The following CD2AP variants were observed in gnomAD, a reference collection of about 807,000 sequenced individuals.
CD2AP encodes the protein CD2 associated protein.
CD2AP carries 46 observed loss-of-function variants against 85.1 expected under a neutral mutation model. The ratio of observed to expected loss-of-function variants is 0.54; its 90% CI spans 0.43 to 0.69. CD2AP has a LOEUF of 0.69. CD2AP is among the 30% of genes least tolerant of loss of function. CD2AP has a pLI of 0.00. For synonymous variants in CD2AP, 255 were observed against 252.9 expected, an observed-to-expected ratio of 1.01 and a Z score of -0.08; for missense variants, 769 against 729.5, an observed-to-expected ratio of 1.05 and a Z score of -0.62.
intron 2 of CD2AP, among the ~76,000 whole-genome samples, chr6:47,506,808 AGGGAGAGGGAGAGGGAGAG>A (rs1224695458): frequency 8.8e-5 from 2 of 22,656 alleles, no homozygotes; most frequent in Non-Finnish European, 1.6e-4. Context: ...GGAGAGGGAG[AGGGAGAGGGAGAGGGAGAG>A]GGAGAGGGAG....
chr6:47,522,219 G>C (rs1766616607), intron 2 of CD2AP, among the ~76,000 whole-genome samples: 1 of 152,124 alleles, frequency 6.6e-6, no homozygotes, highest in South Asian at 2.1e-4. Flanking sequence ...CCAGAGCACA[G>C]AGAGTCATGG....
At chr6:47,562,549 CCAA>C (rs1767889320) in intron 5 of CD2AP, 1 of 305,440 alleles carries the variant, frequency 3.3e-6, no homozygotes, top group East Asian at 5.3e-5. Flanking sequence ...TTGCCTTCCA[CCAA>C]CAAGTCTTGC....
At chr6:47,532,696 C>T (rs1010066220) in intron 2 of CD2AP, among the ~76,000 whole-genome samples, 16 of 152,106 alleles carry the variant, frequency 1.1e-4, no homozygotes, top group African/African-American at 2.2e-4. Context: ...AAACTCCCTC[C>T]GCTTTCTTTT....
intron 13 of CD2AP, among the ~76,000 whole-genome samples, chr6:47,604,272 T>C (rs867297030): frequency 3.3e-5 from 5 of 152,008 alleles, no homozygotes; most frequent in South Asian, 4.1e-4. Flanking sequence ...AGATATGTCA[T>C]GAGTCCAAAA....
At chr6:47,585,227 C>T (rs1273270740) in intron 11 of CD2AP, among the ~76,000 whole-genome samples, 2 of 150,846 alleles carry the variant, frequency 1.3e-5, no homozygotes, top group South Asian at 2.1e-4. Flanking sequence ...GGCGTGAACT[C>T]GGGAGGCGGA....
chr6:47,612,384 G>A, intron 16 of CD2AP, 89 bp from the exon 17 acceptor site: 4 of 886,908 alleles, frequency 4.5e-6, no homozygotes, highest in South Asian at 4.3e-5. Context: ...CCCATGAACT[G>A]GTAGGTTAGG....
rs555901115 is a variant in CD2AP, at chr6:47,594,014, T to C, written c.1109-1847T>C. On this transcript the variant is annotated intron_variant, in intron 11 of 17. Coordinates refer to ENST00000359314, the MANE Select transcript of CD2AP (RefSeq NM_012120.3). ...ATGAAGAGGCTAAACTGCTAAAACA[T>C]TGGGCTAAGCGAAAGAAGCCAGACA... Among the ~76,000 whole-genome samples, 6 of 152,178 alleles carry C rather than the reference T, an allele frequency of 3.9e-5. No homozygotes were observed. The South Asian group carries it at 1.0e-3, about 26-fold the overall frequency.
intron 10 of CD2AP, among the ~76,000 whole-genome samples, chr6:47,581,407 C>T (rs1023069999): frequency 7.8e-4 from 119 of 152,202 alleles, no homozygotes; most frequent in Non-Finnish European, 7.9e-4. Flanking sequence ...TTGATCTTTA[C>T]AAGTGTAATA....
At chr6:47,580,770 A>C (rs1768455910) in intron 9 of CD2AP, 94 bp from the exon 10 acceptor site, 1 of 862,856 alleles carries the variant, frequency 1.2e-6, no homozygotes, top group Non-Finnish European at 1.9e-6. Context: ...GAGGAGAGAC[A>C]TTTGTATAAT....
intron 1 of CD2AP, among the ~76,000 whole-genome samples, chr6:47,479,606 A>T (rs1352929262): frequency 6.6e-6 from 1 of 152,220 alleles, no homozygotes; most frequent in Non-Finnish European, 1.5e-5. Context: ...AATTGTGGGC[A>T]TATTCTTTTA....
chr6:47,551,554 C>A (rs923338146), intron 4 of CD2AP, among the ~76,000 whole-genome samples: 1 of 152,120 alleles, frequency 6.6e-6, no homozygotes, highest in Non-Finnish European at 1.5e-5. Flanking sequence ...GTATTTTTAT[C>A]CCCATTGTAC....
intron 12 of CD2AP, among the ~76,000 whole-genome samples, chr6:47,596,312 C>A (rs560214735): frequency 6.6e-6 from 1 of 151,992 alleles, no homozygotes; most frequent in Non-Finnish European, 1.5e-5. Flanking sequence ...TTAAAGAATG[C>A]GGTACATCAC....
Position 47,517,170 on chromosome 6 carries a change from C to T in CD2AP, c.165+13730C>T, listed in dbSNP as rs577364777. 1.5e-4 allele frequency among the ~76,000 whole-genome samples: 23 copies of T among 152,282 alleles called. No homozygotes were observed. In the South Asian group the frequency reaches 3.5e-3, roughly 23 times the overall value. ...TTGTTCCTGCTCTCACTATGTGATGCGCCTGCTCCCCTTTCTTCTTCTGCC... is the reference window on the plus strand; with the variant it reads ...TTGTTCCTGCTCTCACTATGTGATGTGCCTGCTCCCCTTTCTTCTTCTGCC... On this transcript the variant is annotated intron_variant, in intron 2 of 17. Transcript: ENST00000359314.
rs528077821 is a variant in CD2AP at position 47,573,532 on chromosome 6, A to C, written c.542-532A>C. Reference sequence around the variant, plus strand: ...GAGACGGAGTCTTGCCCTGTCGCCCAGGCTGGAGTGCAGTGGCGTGATCTT... The same window carrying C: ...GAGACGGAGTCTTGCCCTGTCGCCCCGGCTGGAGTGCAGTGGCGTGATCTT... On this transcript the variant is annotated intron_variant, in intron 5 of 17. Coordinates refer to ENST00000359314, the MANE Select transcript of CD2AP (RefSeq NM_012120.3). Among the ~76,000 whole-genome samples the C allele has an allele frequency of 3.4e-5, 4 of 119,210 alleles. No individual in the cohort carries two copies. In the East Asian group the frequency reaches 9.6e-4, roughly 29 times the overall value. The allele number at this position is 119,210 out of a possible 152,430, so 78.2% of individuals were successfully genotyped here. A position where few individuals can be genotyped will look rare whatever the true frequency, so the allele number is the denominator to read the frequency against.
chr6:47,555,265 A>G (rs1309794549), intron 5 of CD2AP, among the ~76,000 whole-genome samples: 1 of 152,192 alleles, frequency 6.6e-6, no homozygotes, highest in Non-Finnish European at 1.5e-5. Flanking sequence ...TTTGCTCACC[A>G]TTTAAGAGTA....
At chr6:47,517,090 A>T (rs943701351) in intron 2 of CD2AP, among the ~76,000 whole-genome samples, 30 of 152,146 alleles carry the variant, frequency 2.0e-4, no homozygotes, top group African/African-American at 7.2e-4. Context: ...ATTCTCACCC[A>T]GTTCACTTGG....
Position 47,618,224 on chromosome 6 carries a change from G to A in CD2AP, c.1878+5688G>A, listed in dbSNP as rs146204960. ...AATCCCAGCTACTAGAGAGGCTGGG[G>A]CATGAGAATCACTTGAACCCAGGAG... On this transcript the variant is annotated intron_variant, in intron 17 of 17. Transcript: ENST00000359314. Among the ~76,000 whole-genome samples, 1,202 of 152,166 alleles carry A rather than the reference G, an allele frequency of 7.9e-3. 14 individuals carry two copies. The highest frequency in any genetic ancestry group is 0.027 in the African/African-American group (1,122 of 41,514).
intron 1 of CD2AP, among the ~76,000 whole-genome samples, chr6:47,481,016 A>C (rs1259982576): frequency 6.6e-6 from 1 of 152,238 alleles, no homozygotes; most frequent in Non-Finnish European, 1.5e-5. Flanking sequence ...TAAATGTGAT[A>C]AAATGCCTAT....
chr6:47,615,158 G>T (rs1315904627), intron 17 of CD2AP, among the ~76,000 whole-genome samples: 1 of 152,160 alleles, frequency 6.6e-6, no homozygotes, highest in Non-Finnish European at 1.5e-5. Flanking sequence ...GGGACTTGCA[G>T]TTGGAAAACC....
Sources: gnomAD v4.1 joint callset for allele counts (sites outside exome capture counted in the v4.1 genomes callset) on GRCh38, gnomAD v4.1.1 for gene constraint, MANE v1.5 for transcripts, NCBI Gene and HGNC (gene_info 2026-07-23, HGNC 2026-07-21) for gene names.